The following FSTL1 variants were observed in gnomAD, a reference collection of about 807,000 sequenced individuals.
The protein encoded by FSTL1 is follistatin like 1, also known as follistatin-related protein 1.
FSTL1 carries 24 observed loss-of-function variants against 45.9 expected under a neutral mutation model. The ratio of observed to expected loss-of-function variants is 0.52; its 90% CI spans 0.38 to 0.74. The LOEUF is 0.74. Among genes scored for constraint, FSTL1 ranks in the 30% least tolerant of loss-of-function variants. FSTL1 has a pLI of 0.00. For synonymous variants in FSTL1, 120 were observed against 137.6 expected, an observed-to-expected ratio of 0.87 and a Z score of 0.89; for missense variants, 340 against 381.8, an observed-to-expected ratio of 0.89 and a Z score of 0.91.
At chr3:120,423,890 C>T (rs540301724) in intron 2 of FSTL1, 5 of 152,310 alleles carry the variant, frequency 3.3e-5, no homozygotes, top group Admixed American at 2.6e-4. Flanking sequence ...GTTTCTAATA[C>T]AGACCATTTA....
At chr3:120,432,921 G>A (rs111799218) in intron 2 of FSTL1, among the ~76,000 whole-genome samples, 1 of 152,302 alleles carries the variant, frequency 6.6e-6, no homozygotes, top group Admixed American at 6.5e-5. Context: ...ATCTTAATGT[G>A]CAAATCCAGT....
intron 2 of FSTL1, among the ~76,000 whole-genome samples, chr3:120,436,190 G>T (rs182239362): frequency 2.6e-5 from 4 of 152,284 alleles, no homozygotes; most frequent in Admixed American, 2.0e-4. Flanking sequence ...TTCTCCAATT[G>T]TATCTGTAAG....
chr3:120,432,735 AG>A (rs1450900441), intron 2 of FSTL1, among the ~76,000 whole-genome samples: 1 of 152,214 alleles, frequency 6.6e-6, no homozygotes, highest in African/African-American at 2.4e-5. Context: ...GGTCACCCTG[AG>A]GAACTCCCAA....
At chr3:120,420,807 CTG>C (rs1937262907) in intron 2 of FSTL1, among the ~76,000 whole-genome samples, 1 of 152,208 alleles carries the variant, frequency 6.6e-6, no homozygotes, top group South Asian at 2.1e-4. Flanking sequence ...CTACATGTGA[CTG>C]GTCCAAGATC....
rs201145851 is a variant in FSTL1 at position 120,444,822 on chromosome 3, G to A, written c.63+5862C>T. Among the ~76,000 whole-genome samples, 14 of 149,860 alleles carry A rather than the reference G, an allele frequency of 9.3e-5. No homozygotes were observed. In the East Asian group the frequency reaches 1.5e-3, roughly 17 times the overall value. ...TACTTTTCTATAAATTTTTACAGTC[G>A]TGAGAATAAAGCTGGGGGGTGTGTG... On this transcript the variant is annotated intron_variant, in intron 2 of 10. Transcript: ENST00000295633.
intron 2 of FSTL1, among the ~76,000 whole-genome samples, chr3:120,416,671 G>A (rs750301037): frequency 1.3e-5 from 2 of 152,198 alleles, no homozygotes; most frequent in African/African-American, 4.8e-5. Context: ...AAGAAGGATG[G>A]CTAAACCATT....
chr3:120,405,101 G>A (rs1279324780), intron 6 of FSTL1, 130 bp from the exon 7 acceptor site: 1 of 648,184 alleles, frequency 1.5e-6, no homozygotes, highest in Non-Finnish European at 2.9e-6. Flanking sequence ...TGACCTCAGA[G>A]GGCCTTGGCA....
chr3:120,397,134 C>T (rs182219931), intron 10 of FSTL1, 138 bp from the exon 11 acceptor site: 71 of 742,886 alleles, frequency 9.6e-5, no homozygotes, highest in Non-Finnish European at 1.3e-4. Context: ...GGCTCCTCCA[C>T]GGACAATGAA....
Position 120,430,846 on chromosome 3 carries a change from G to A in FSTL1, c.64-14819C>T, listed in dbSNP as rs368734472. ...TGAATATATGCAATTTTAAATAACA[G>A]AACAACACAATCTAATAAGAGATAA... On this transcript the variant is annotated intron_variant, in intron 2 of 10. Coordinates refer to ENST00000295633, the MANE Select transcript of FSTL1 (RefSeq NM_007085.5). Among the ~76,000 whole-genome samples, 211 of 152,284 alleles carry A rather than the reference G, an allele frequency of 1.4e-3. 1 individual carries two copies. Among genetic ancestry groups the A allele is most frequent in the African/African-American group, 4.8e-3 (198 of 41,558 alleles).
chr3:120,411,933 G>A lies in FSTL1; in HGVS notation c.219C>T (p.Tyr73=), dbSNP rs756234431. The part of the protein sequence containing the change: ...RPVCGSNGKT[Y]LNHCELHRDA... ...CTCGATGCAGTTCACAGTGGTTGAG[G>A]TAGGTCTTGCCATTACTGCCACACA... The change falls in exon 4 of 11, where the codon TAC becomes TAT. Residue 73 remains tyrosine (Y), a synonymous_variant. Transcript: ENST00000295633. 6.2e-7 allele frequency: 1 copy of A among 1,613,080 alleles called. No homozygotes were observed. Among genetic ancestry groups the A allele is most frequent in the Non-Finnish European group, 8.5e-7 (1 of 1,179,024 alleles).
intron 2 of FSTL1, among the ~76,000 whole-genome samples, chr3:120,422,851 T>C (rs1937305339): frequency 2.0e-5 from 3 of 152,148 alleles, no homozygotes; most frequent in Admixed American, 2.0e-4. Context: ...CACGCCCCCA[T>C]GCCTGGCCAA....
intron 3 of FSTL1, among the ~76,000 whole-genome samples, chr3:120,414,051 G>A (rs1223846633): frequency 5.9e-5 from 9 of 151,654 alleles, no homozygotes; most frequent in African/African-American, 9.7e-5. Flanking sequence ...CCGAGGTGCC[G>A]GGATTGCAGA....
chr3:120,399,548 A>G (rs1453094083), intron 10 of FSTL1, among the ~76,000 whole-genome samples: 1 of 152,186 alleles, frequency 6.6e-6, no homozygotes, highest in African/African-American at 2.4e-5. Flanking sequence ...GGGTCTGGAC[A>G]CTGGTCATGA....
At chr3:120,415,844 C>T (rs1937178029) in intron 3 of FSTL1, 79 bp downstream of exon 3, 6 of 761,760 alleles carry the variant, frequency 7.9e-6, no homozygotes, top group Non-Finnish European at 1.4e-5. Context: ...ATCATTGGCA[C>T]TGCCTGCTGA....
Position 120,450,979 on chromosome 3 carries a change from G to C in FSTL1, c.-83C>G. Reference sequence around the variant, plus strand: ...AGCGGAGGTGGGAGCTCCGCCGATCGCCAGCCTCGGAGGAAATGCGACCTC... The same window carrying C: ...AGCGGAGGTGGGAGCTCCGCCGATCCCCAGCCTCGGAGGAAATGCGACCTC... On this transcript the variant is annotated 5_prime_UTR_variant, in exon 1 of 11. Coordinates refer to ENST00000295633, the MANE Select transcript of FSTL1 (RefSeq NM_007085.5). The C allele has an allele frequency of 2.2e-6, 1 of 457,382 alleles. No individual in the cohort carries two copies. Among genetic ancestry groups the C allele is most frequent in the Non-Finnish European group, 3.9e-6 (1 of 259,372 alleles). The allele number at this position is 457,382 out of a possible 1,614,324, so 28.3% of individuals were successfully genotyped here.
chr3:120,401,528 A>G (rs1936826015), intron 9 of FSTL1, among the ~76,000 whole-genome samples: 1 of 151,948 alleles, frequency 6.6e-6, no homozygotes, highest in South Asian at 2.1e-4. Flanking sequence ...ATCTTCCTGA[A>G]CATTATCTTA....
At chr3:120,427,916 G>A (rs1442698482) in intron 2 of FSTL1, among the ~76,000 whole-genome samples, 2 of 152,172 alleles carry the variant, frequency 1.3e-5, no homozygotes, top group African/African-American at 2.4e-5. Flanking sequence ...AGAGCTGCCT[G>A]ATACCTTGGG....
intron 2 of FSTL1, among the ~76,000 whole-genome samples, chr3:120,434,796 T>C (rs1011815588): frequency 6.6e-6 from 1 of 152,236 alleles, no homozygotes; most frequent in African/African-American, 2.4e-5. Flanking sequence ...CTACTATTTA[T>C]TGAGTACTTA....
rs951375382 is a variant in FSTL1 at position 120,394,066 on chromosome 3, C to T, written c.*2886G>A. 1 of 152,172 alleles carries T rather than the reference C, an allele frequency of 6.6e-6. No homozygotes were observed. Among genetic ancestry groups the T allele is most frequent in the South Asian group, 2.1e-4 (1 of 4,822 alleles). The allele number at this position is 152,172 out of a possible 1,614,324, so 9.4% of individuals were successfully genotyped here. The stretch of plus-strand genomic sequence containing the variant: ...TAAGACACTTTCTGACTTGTCATCA[C>T]CTTCTACTCCAGACCCACTATCCAT... On this transcript the variant is annotated 3_prime_UTR_variant, in exon 11 of 11. Coordinates refer to ENST00000295633, the MANE Select transcript of FSTL1 (RefSeq NM_007085.5).
Sources: allele counts gnomAD v4.1 joint callset (sites outside exome capture counted in the v4.1 genomes callset), GRCh38; gene constraint gnomAD v4.1.1; transcripts MANE v1.5; gene names NCBI Gene and HGNC (gene_info 2026-07-23, HGNC 2026-07-21).